The following TXNL4B variants were observed in gnomAD, a reference collection of about 807,000 sequenced individuals.
TXNL4B encodes thioredoxin like 4B.
Under a neutral mutation model 13.0 loss-of-function variants are expected in TXNL4B, and 12 were observed. That is an observed-to-expected ratio of 0.92 (90% CI 0.59 to 1.49). The LOEUF is 1.49. Among genes scored for constraint, TXNL4B ranks in the 40% most tolerant of loss-of-function variants. The probability of loss-of-function intolerance (pLI) is 0.00; values close to 1 mark genes in which losing one functional copy is unlikely to be tolerated. For missense variants in TXNL4B, 214 were observed against 173.6 expected (o/e 1.23, Z -1.31); for synonymous variants, 59 against 58.9 (o/e 1.00, Z -0.01).
In TXNL4B at chr16:72,090,659, C is replaced by G; in HGVS notation, c.91G>C (p.Gly31Arg). 1.2e-6 allele frequency: 2 copies of G among 1,614,186 alleles called. No homozygotes were observed. The highest frequency in any genetic ancestry group is 1.7e-6 in the Non-Finnish European group (2 of 1,180,024). Reference protein sequence around the residue: ...TAEKVLVLRFGRDEDPVCLQL... With the variant: ...TAEKVLVLRFRRDEDPVCLQL... ...AGACAGACAGGATCTTCATCTCTCCCAAACCTGAGAACCAACACCTTCTCA... is the reference window on the plus strand; with the variant it reads ...AGACAGACAGGATCTTCATCTCTCCGAAACCTGAGAACCAACACCTTCTCA... Residue 31 changes from glycine to arginine, a missense_variant, in exon 2 of 4, where the codon GGG becomes CGG. Coordinates refer to ENST00000268483, the MANE Select transcript of TXNL4B (RefSeq NM_017853.3).
In TXNL4B at chr16:72,086,802, T is replaced by C. The variant is rs999763974; in HGVS notation, c.285A>G (p.Gly95=). 6.2e-7 allele frequency: 1 copy of C among 1,601,298 alleles called. No individual in the cohort carries two copies. The highest frequency in any genetic ancestry group is 1.3e-5 in the African/African-American group (1 of 74,800). ...CCACAAACTTAGTGTGATCTGGAGA[T>C]CTAGACAGCATAGAAGAGAAACAAC... ...FNGQHMKVDY[G]SPDHTKFVGS... is the part of the protein sequence containing the mutation. Residue 95 remains glycine, a splice_region_variant and synonymous_variant, in exon 4 of 4, where the codon GGA becomes GGG. Coordinates refer to ENST00000268483, the MANE Select transcript of TXNL4B (RefSeq NM_017853.3).
intron 2 of TXNL4B, chr16:72,090,275 G>T (rs1035671975): frequency 2.8e-5 from 11 of 386,792 alleles, no homozygotes; most frequent in African/African-American, 6.3e-5. Flanking sequence ...GACCTCTCTG[G>T]TTTTTTTTTT....
In TXNL4B at chr16:72,086,981, A is replaced by C. The variant is rs555861526; in HGVS notation, c.285-179T>G. Among the ~76,000 whole-genome samples the C allele has an allele frequency of 1.1e-4, 17 of 152,304 alleles. 1 individual carries two copies. Among genetic ancestry groups the C allele is most frequent in the African/African-American group, 2.2e-4 (9 of 41,562 alleles). On this transcript the variant is annotated intron_variant, in intron 3 of 3. Coordinates refer to ENST00000268483, the MANE Select transcript of TXNL4B (RefSeq NM_017853.3). Reference sequence around the variant, plus strand: ...TTTTTTCCATTTAGTAAATGACTCAACCCAGTGCTGTGGGCCACTAGCATG... The same window carrying C: ...TTTTTTCCATTTAGTAAATGACTCACCCCAGTGCTGTGGGCCACTAGCATG...
intron 1 of TXNL4B, among the ~76,000 whole-genome samples, chr16:72,092,846 A>G (rs1428906202): frequency 6.6e-6 from 1 of 152,268 alleles, no homozygotes; most frequent in East Asian, 1.9e-4. Flanking sequence ...AAGAAAAGCA[A>G]ATTAAAACAT....
chr16:72,091,080 T>C (rs1202068959), intron 1 of TXNL4B, among the ~76,000 whole-genome samples: 1 of 152,086 alleles, frequency 6.6e-6, no homozygotes, highest in Non-Finnish European at 1.5e-5. Context: ...TTTCTCTCTC[T>C]CCCCACCCCC....
chr16:72,093,976 C>CAAAA (rs2041965460), upstream of TXNL4B: 2 of 152,508 alleles, frequency 1.3e-5, no homozygotes, highest in Admixed American at 1.3e-4. Context: ...CTCCTTGAGC[C>CAAAA]TGTCTGAGCG....
intron 3 of TXNL4B, 48 bp downstream of exon 3, chr16:72,088,939 C>A: frequency 6.6e-7 from 1 of 1,503,842 alleles, no homozygotes; most frequent in Admixed American, 1.8e-5. Context: ...AAATGCTTAC[C>A]AAGGAAACTT....
At chr16:72,088,031 G>C (rs2041849111) in intron 3 of TXNL4B, among the ~76,000 whole-genome samples, 1 of 152,176 alleles carries the variant, frequency 6.6e-6, no homozygotes, top group Non-Finnish European at 1.5e-5. Flanking sequence ...GTGTTAGCCA[G>C]GATGGTCTCG....
In TXNL4B at chr16:72,090,061, A is replaced by T. The variant is rs1410297583; in HGVS notation, c.132+557T>A. On this transcript the variant is annotated intron_variant, in intron 2 of 3. Transcript: ENST00000268483. ...ATCACACCCTCATTGTAACCACGGAAATGAGGATTTGTACGCTCAGCTCTT... is the reference window on the plus strand; with the variant it reads ...ATCACACCCTCATTGTAACCACGGATATGAGGATTTGTACGCTCAGCTCTT... The T allele has an allele frequency of 1.5e-5, 7 of 455,680 alleles. No individual in the cohort carries two copies. The East Asian group carries it at 4.9e-4, about 32-fold the overall frequency. The allele number at this position is 455,680 out of a possible 1,614,324, so 28.2% of individuals were successfully genotyped here.
intron 3 of TXNL4B, among the ~76,000 whole-genome samples, chr16:72,087,934 C>T (rs1597428500): frequency 6.6e-6 from 1 of 152,302 alleles, no homozygotes; most frequent in South Asian, 2.1e-4. Context: ...ATTTTTCTGC[C>T]TCAGCCTCCA....
Position 72,086,614 on chromosome 16 carries a change from C to A in TXNL4B, c.*23G>T, listed in dbSNP as rs745454319. The A allele has an allele frequency of 1.9e-6, 3 of 1,598,690 alleles. No homozygotes were observed. In the African/African-American group the frequency reaches 4.0e-5, roughly 21 times the overall value. On this transcript the variant is annotated 3_prime_UTR_variant, in exon 4 of 4. Coordinates refer to ENST00000268483, the MANE Select transcript of TXNL4B (RefSeq NM_017853.3). ...CTGTGTCAAGATGTGCCTTCTTCTT[C>A]ATCTTTGACAGCAATTAATGTACTA...
chr16:72,084,945 G>C lies in TXNL4B; in HGVS notation c.*1692C>G, dbSNP rs2041801670. The C allele has an allele frequency of 5.0e-6, 2 of 398,570 alleles. No individual in the cohort carries two copies. Among genetic ancestry groups the C allele is most frequent in the Middle Eastern group, 6.3e-4 (1 of 1,588 alleles). The allele number at this position is 398,570 out of a possible 1,614,324, so 24.7% of individuals were successfully genotyped here. A position where few individuals can be genotyped will look rare whatever the true frequency, so the allele number is the denominator to read the frequency against. ...AGGAGCTCAATAACATCAGAGATTGGGCTCTTTTTGTTCTTCTTAGCATAT... is the reference window on the plus strand; with the variant it reads ...AGGAGCTCAATAACATCAGAGATTGCGCTCTTTTTGTTCTTCTTAGCATAT... On this transcript the variant is annotated 3_prime_UTR_variant, in exon 4 of 4. Coordinates refer to ENST00000268483, the MANE Select transcript of TXNL4B (RefSeq NM_017853.3).
Position 72,085,234 on chromosome 16 carries a change from G to C in TXNL4B, c.*1403C>G. The C allele has an allele frequency of 1.0e-5, 4 of 382,336 alleles. No individual in the cohort carries two copies. The highest frequency in any genetic ancestry group is 1.8e-5 in the Non-Finnish European group (4 of 216,662). 23.7% of individuals were successfully genotyped at this position (382,336 alleles called of 1,614,324 possible). A position where few individuals can be genotyped will look rare whatever the true frequency, so the allele number is the denominator to read the frequency against. On this transcript the variant is annotated 3_prime_UTR_variant, in exon 4 of 4. Coordinates refer to ENST00000268483, the MANE Select transcript of TXNL4B (RefSeq NM_017853.3). ...CTCCCTGCAGGAAAGGGGTGGAATG[G>C]AGCCCCTGGCAAAGGGGGCTGGACT...
At chr16:72,093,237 A>T (rs2041944440) in intron 1 of TXNL4B, 130 bp downstream of exon 1, 1 of 152,286 alleles carries the variant, frequency 6.6e-6, no homozygotes, top group Non-Finnish European at 1.5e-5. Flanking sequence ...TCTGCGTGTG[A>T]ACGCATGGGT....
At chr16:72,092,428 A>AAG (rs1478333921) in intron 1 of TXNL4B, among the ~76,000 whole-genome samples, 34 of 152,296 alleles carry the variant, frequency 2.2e-4, no homozygotes, top group African/African-American at 7.9e-4. Context: ...CCAAAAAAAA[A>AAG]AAAAGGAATT....
intron 1 of TXNL4B, among the ~76,000 whole-genome samples, chr16:72,092,838 G>C (rs1326148203): frequency 6.6e-6 from 1 of 152,156 alleles, no homozygotes; most frequent in Non-Finnish European, 1.5e-5. Context: ...AGTAAGCAAA[G>C]AAAAGCAAAT....
intron 2 of TXNL4B, 25 bp from the exon 3 acceptor site, chr16:72,089,163 G>A: frequency 1.3e-6 from 2 of 1,588,366 alleles, no homozygotes; most frequent in Non-Finnish European, 1.7e-6. Context: ...AGAGACAAAG[G>A]TTACAATATG....
chr16:72,094,006 C>A, upstream of TXNL4B: 1 of 152,778 alleles, frequency 6.5e-6, no homozygotes, highest in Non-Finnish European at 1.5e-5. Flanking sequence ...AGCGCCGGCG[C>A]CCCAGAATCC....
intron 1 of TXNL4B, among the ~76,000 whole-genome samples, chr16:72,091,939 A>T (rs2041911552): frequency 1.3e-5 from 2 of 152,214 alleles, no homozygotes; most frequent in African/African-American, 4.8e-5. Flanking sequence ...GGGTCCTTCT[A>T]CTACAATAAT....
Sources: gnomAD v4.1 joint callset for allele counts (sites outside exome capture counted in the v4.1 genomes callset) on GRCh38, gnomAD v4.1.1 for gene constraint, MANE v1.5 for transcripts, NCBI Gene and HGNC (gene_info 2026-07-23, HGNC 2026-07-21) for gene names.